MTUS2: variants seen among roughly 807,000 people sequenced by gnomAD.
MTUS2 encodes the protein microtubule-associated tumor suppressor candidate 2.
Under a neutral mutation model 114.1 loss-of-function variants are expected in MTUS2, and 40 were observed. The observed-to-expected ratio is 0.35, with a 90% CI of 0.27 to 0.46. The LOEUF is 0.46. Among genes scored for constraint, MTUS2 ranks in the 20% least tolerant of loss-of-function variants. The pLI is 1.00. For synonymous variants in MTUS2, 688 were observed against 672.0 expected (o/e 1.02, Z -0.37); for missense variants, 1,679 against 1,705.4 (o/e 0.98, Z 0.27).
At chr13:28,838,674 C>T (rs1199229170) in intron 1 of MTUS2, among the ~76,000 whole-genome samples, 1 of 152,188 alleles carries the variant, frequency 6.6e-6, no homozygotes, top group Admixed American at 6.5e-5. Flanking sequence ...TGCTCCCTCT[C>T]ACCTTTTTGT....
intron 8 of MTUS2, 43 bp from the exon 9 acceptor site, chr13:29,439,940 C>A: frequency 1.4e-6 from 2 of 1,453,164 alleles, no homozygotes; most frequent in Non-Finnish European, 1.9e-6. Context: ...GCTTATCTAG[C>A]ATAAAACTAG....
chr13:29,428,460 C>G (rs1435367084), intron 8 of MTUS2, among the ~76,000 whole-genome samples: 2 of 152,236 alleles, frequency 1.3e-5, no homozygotes, highest in Non-Finnish European at 2.9e-5. Context: ...GGCCGCGCAC[C>G]CAGAGGAGAG....
intron 6 of MTUS2, among the ~76,000 whole-genome samples, chr13:29,291,894 C>CT (rs1466003595): frequency 1.3e-5 from 2 of 152,202 alleles, no homozygotes; most frequent in African/African-American, 4.8e-5. Context: ...TCATCCAACT[C>CT]TAACATCTAA....
chr13:28,957,503 T>G (rs1883126326), intron 2 of MTUS2, among the ~76,000 whole-genome samples: 1 of 152,256 alleles, frequency 6.6e-6, no homozygotes, highest in African/African-American at 2.4e-5. Flanking sequence ...AGACTTTTTT[T>G]CTTGTCACTC....
intron 5 of MTUS2, among the ~76,000 whole-genome samples, chr13:29,211,336 A>G (rs1177819769): frequency 6.6e-6 from 1 of 152,294 alleles, no homozygotes; most frequent in Non-Finnish European, 1.5e-5. Context: ...CCCCAACAGC[A>G]CGAGAGGGAC....
intron 6 of MTUS2, among the ~76,000 whole-genome samples, chr13:29,283,435 A>C (rs1392840378): frequency 6.6e-6 from 1 of 152,206 alleles, no homozygotes; most frequent in African/African-American, 2.4e-5. Context: ...GAATGAATGG[A>C]TATCACATGG....
At chr13:28,931,758 C>T (rs1479767975) in intron 2 of MTUS2, among the ~76,000 whole-genome samples, 2 of 152,010 alleles carry the variant, frequency 1.3e-5, no homozygotes, top group African/African-American at 4.8e-5. Flanking sequence ...ATACATGTGC[C>T]ATGTTGGTGT....
At chr13:29,339,650 G>A (rs1022051002) in intron 7 of MTUS2, 5 of 171,294 alleles carry the variant, frequency 2.9e-5, no homozygotes, top group South Asian at 1.3e-4. Flanking sequence ...AGAAAAGTCC[G>A]GCCCAGTGAT....
intron 9 of MTUS2, among the ~76,000 whole-genome samples, chr13:29,452,127 C>A (rs1260231909): frequency 6.6e-6 from 1 of 152,170 alleles, no homozygotes; most frequent in African/African-American, 2.4e-5. Flanking sequence ...CAGGTGCTTA[C>A]CCATGCATAG....
At chr13:29,095,703 G>A (rs1890148702) in intron 4 of MTUS2, among the ~76,000 whole-genome samples, 1 of 120,454 alleles carries the variant, frequency 8.3e-6, no homozygotes, top group Admixed American at 9.5e-5. Flanking sequence ...AGTATGTATT[G>A]ATCTATCTTC....
At chr13:28,849,330 G>C (rs1876097125) in intron 2 of MTUS2, among the ~76,000 whole-genome samples, 1 of 152,196 alleles carries the variant, frequency 6.6e-6, no homozygotes, top group Non-Finnish European at 1.5e-5. Context: ...GGATCTCTAA[G>C]AGGGAGAAGA....
chr13:29,199,874 G>A (rs949670228), intron 5 of MTUS2, among the ~76,000 whole-genome samples: 1 of 152,120 alleles, frequency 6.6e-6, no homozygotes, highest in South Asian at 2.1e-4. Flanking sequence ...TTCAGAACTT[G>A]TTTTTGGTCT....
At chr13:29,377,653 A>C (rs1871855212) in intron 8 of MTUS2, among the ~76,000 whole-genome samples, 1 of 124,220 alleles carries the variant, frequency 8.1e-6, no homozygotes, top group Non-Finnish European at 1.8e-5. Flanking sequence ...ATGGCATTAC[A>C]TGCACATAAT....
At chr13:29,049,527 T>C (rs1261299119) in intron 4 of MTUS2, among the ~76,000 whole-genome samples, 1 of 152,216 alleles carries the variant, frequency 6.6e-6, no homozygotes, top group African/African-American at 2.4e-5. Context: ...AGGACTGTTC[T>C]CCTCTCTCGT....
At chr13:29,500,611 AT>A (rs1039620554) in intron 14 of MTUS2, among the ~76,000 whole-genome samples, 1 of 152,098 alleles carries the variant, frequency 6.6e-6, no homozygotes, top group African/African-American at 2.4e-5. Context: ...CCCTCCATTG[AT>A]TCAGAATGTA....
chr13:29,144,094 G>T lies in MTUS2; in HGVS notation c.2644+43124G>T, dbSNP rs999776580. On this transcript the variant is annotated intron_variant, in intron 5 of 15. Coordinates refer to ENST00000612955, the MANE Select transcript of MTUS2 (RefSeq NM_001033602.4). ...GGGAACAAAAGTAAATGAAGACGCA[G>T]TCCCTCCCTTTAAACTAGCTGACAA... Among the ~76,000 whole-genome samples, 54 of 152,306 alleles carry T rather than the reference G, an allele frequency of 3.5e-4. 1 individual carries two copies. Among genetic ancestry groups the T allele is most frequent in the Non-Finnish European group, 8.8e-5 (6 of 68,034 alleles).
intron 6 of MTUS2, among the ~76,000 whole-genome samples, chr13:29,320,862 T>C (rs1181565384): frequency 6.6e-6 from 1 of 152,130 alleles, no homozygotes; most frequent in African/African-American, 2.4e-5. Context: ...GGGGCCAGAC[T>C]TAGGAGCTAC....
At chr13:28,964,411 G>A (rs1351753918) in intron 2 of MTUS2, among the ~76,000 whole-genome samples, 1 of 152,114 alleles carries the variant, frequency 6.6e-6, no homozygotes, top group East Asian at 1.9e-4. Context: ...AAATTGGATT[G>A]TGTCATTCCT....
At chr13:29,172,595 T>A (rs2139124671) in intron 5 of MTUS2, among the ~76,000 whole-genome samples, 1 of 152,336 alleles carries the variant, frequency 6.6e-6, no homozygotes, top group South Asian at 2.1e-4. Flanking sequence ...AGCATTATAA[T>A]TTATTATAAT....
Sources: gnomAD v4.1 joint callset for allele counts (sites outside exome capture counted in the v4.1 genomes callset) on GRCh38, gnomAD v4.1.1 for gene constraint, MANE v1.5 for transcripts, NCBI Gene and HGNC (gene_info 2026-07-23, HGNC 2026-07-21) for gene names.